SAMTOR: variants seen among roughly 807,000 people sequenced by gnomAD.
SAMTOR encodes the protein S-adenosylmethionine sensor upstream of mTORC1.
chr7:112,862,539 C>T, the SAMTOR span, among the ~76,000 whole-genome samples: 4 of 152,116 alleles, frequency 2.6e-5, no homozygotes, highest in East Asian at 7.7e-4. Context: ...ATAGTTCTAA[C>T]ATGTTTTCAT....
the SAMTOR span, among the ~76,000 whole-genome samples, chr7:112,837,881 T>C: frequency 6.6e-6 from 1 of 151,934 alleles, no homozygotes; most frequent in African/African-American, 2.4e-5. Flanking sequence ...ATACGTATTG[T>C]TGATGCATTA....
the SAMTOR span, among the ~76,000 whole-genome samples, chr7:112,882,819 GT>G: frequency 1.4e-5 from 2 of 147,740 alleles, no homozygotes; most frequent in African/African-American, 5.0e-5. Flanking sequence ...CTTTACTAGT[GT>G]AACATCTTTT....
the SAMTOR span, chr7:112,939,769 G>GCCGCCGCCCCTCAGGCCC: frequency 6.3e-7 from 1 of 1,575,950 alleles, no homozygotes; most frequent in Non-Finnish European, 8.6e-7. Flanking sequence ...CGCCGCCGCC[G>GCCGCCGCCCCTCAGGCCC]CCGCCGCCCC....
the SAMTOR span, among the ~76,000 whole-genome samples, chr7:112,873,476 AT>A: frequency 1.1e-4 from 17 of 152,294 alleles, 1 homozygote; most frequent in South Asian, 3.5e-3. Flanking sequence ...AGAAGTCCCT[AT>A]TTAATAAATG....
chr7:112,907,147 A>G, the SAMTOR span, among the ~76,000 whole-genome samples: 2 of 152,190 alleles, frequency 1.3e-5, no homozygotes, highest in Non-Finnish European at 2.9e-5. Flanking sequence ...TCAATGATAT[A>G]CACAATGGAA....
chr7:112,920,747 CAA>C, the SAMTOR span, among the ~76,000 whole-genome samples: 4 of 150,176 alleles, frequency 2.7e-5, no homozygotes, highest in African/African-American at 7.4e-5. Context: ...GCAACTTCCG[CAA>C]AGTCTCAGGA....
At chr7:112,846,214 T>C in the SAMTOR span, among the ~76,000 whole-genome samples, 1 of 150,738 alleles carries the variant, frequency 6.6e-6, no homozygotes, top group Non-Finnish European at 1.5e-5. Flanking sequence ...TATCCTGGTT[T>C]CTCTCCAATT....
chr7:112,883,796 C>T, the SAMTOR span, among the ~76,000 whole-genome samples: 1 of 152,194 alleles, frequency 6.6e-6, no homozygotes, highest in Non-Finnish European at 1.5e-5. Flanking sequence ...TTTCTGACTT[C>T]CCACTATTTT....
the SAMTOR span, among the ~76,000 whole-genome samples, chr7:112,824,820 T>C: frequency 6.6e-6 from 1 of 152,226 alleles, no homozygotes; most frequent in Non-Finnish European, 1.5e-5. Flanking sequence ...CCATCTATTA[T>C]ATTTCACTGA....
chr7:112,833,489 G>T, the SAMTOR span, among the ~76,000 whole-genome samples: 1 of 151,982 alleles, frequency 6.6e-6, no homozygotes, highest in Non-Finnish European at 1.5e-5. Context: ...TCAAAAAGTG[G>T]TACATATCAT....
the SAMTOR span, among the ~76,000 whole-genome samples, chr7:112,823,168 T>C: frequency 6.6e-6 from 1 of 152,150 alleles, no homozygotes; most frequent in African/African-American, 2.4e-5. Flanking sequence ...CACATAGTCA[T>C]CTGGACTGTT....
chr7:112,917,201 C>A, the SAMTOR span, among the ~76,000 whole-genome samples: 3 of 152,200 alleles, frequency 2.0e-5, no homozygotes, highest in African/African-American at 7.2e-5. Flanking sequence ...GGAGGCACCC[C>A]CCAGTAGGGG....
chr7:112,920,326 T>G, the SAMTOR span, among the ~76,000 whole-genome samples: 27 of 152,010 alleles, frequency 1.8e-4, no homozygotes, highest in Non-Finnish European at 2.9e-4. Context: ...ATCCAGCATA[T>G]AAACAGAGCC....
chr7:112,823,423 C>G, the SAMTOR span, among the ~76,000 whole-genome samples: 8 of 152,264 alleles, frequency 5.3e-5, no homozygotes, highest in African/African-American at 1.9e-4. Flanking sequence ...CAGCAGGCAA[C>G]CATTGAAGTT....
chr7:112,879,282 G>A, the SAMTOR span, among the ~76,000 whole-genome samples: 1 of 151,346 alleles, frequency 6.6e-6, no homozygotes, highest in Admixed American at 6.6e-5. Context: ...AAAGCTATAA[G>A]AGTTAATCAA....
At chr7:112,863,559 T>G in the SAMTOR span, among the ~76,000 whole-genome samples, 1 of 152,008 alleles carries the variant, frequency 6.6e-6, no homozygotes, top group Non-Finnish European at 1.5e-5. Context: ...GTATCCAGCA[T>G]CTACAACGAA....
the SAMTOR span, among the ~76,000 whole-genome samples, chr7:112,870,797 C>G: frequency 6.7e-6 from 1 of 149,346 alleles, no homozygotes; most frequent in Non-Finnish European, 1.5e-5. Flanking sequence ...AGAGACCCAT[C>G]TCACATGTAA....
At chr7:112,822,253 G>T in the SAMTOR span, 4 of 1,613,476 alleles carry the variant, frequency 2.5e-6, no homozygotes, top group Non-Finnish European at 3.4e-6. Flanking sequence ...ACATGGAAAA[G>T]CTCTCCAGGA....
the SAMTOR span, among the ~76,000 whole-genome samples, chr7:112,836,100 A>G: frequency 6.6e-6 from 1 of 152,120 alleles, no homozygotes; most frequent in African/African-American, 2.4e-5. Flanking sequence ...TTACATTCCC[A>G]CCAGCACTGT....
Sources: allele counts gnomAD v4.1 joint callset (sites outside exome capture counted in the v4.1 genomes callset), GRCh38; gene constraint gnomAD v4.1.1; transcripts MANE v1.5; gene names NCBI Gene and HGNC (gene_info 2026-07-23, HGNC 2026-07-21).